Variants in A4GNT observed in about 807,000 individuals in gnomAD.
The protein encoded by A4GNT is alpha-1,4-N-acetylglucosaminyltransferase.
A4GNT carries 6 observed loss-of-function variants against 8.3 expected under a neutral mutation model. The ratio of observed to expected loss-of-function variants is 0.72; its 90% CI spans 0.39 to 1.42. The LOEUF (loss-of-function observed/expected upper bound fraction) is 1.42. A4GNT is among the 40% of genes most tolerant of loss of function. The pLI is 0.02. For synonymous variants in A4GNT, 157 were observed against 159.8 expected (o/e 0.98, Z 0.13); for missense variants, 377 against 417.0 (o/e 0.90, Z 0.84).
At chr3:138,128,632 G>A (rs978849503) in intron 2 of A4GNT, among the ~76,000 whole-genome samples, 4 of 152,012 alleles carry the variant, frequency 2.6e-5, no homozygotes, top group African/African-American at 9.7e-5. Flanking sequence ...TTCCACATGA[G>A]ATTTGGTGAG....
chr3:138,129,131 G>GCATGGA (rs2042762513), intron 2 of A4GNT, among the ~76,000 whole-genome samples: 1 of 152,052 alleles, frequency 6.6e-6, no homozygotes, highest in African/African-American at 2.4e-5. Flanking sequence ...CTCCACCCAG[G>GCATGGA]ACAGTCCACC....
rs143852911 is a variant in A4GNT, at chr3:138,124,704, A to T, written c.583T>A (p.Phe195Ile). ...QASRYSSNGI[F>I]GFLPHHPFLW... ...AAGGGGTGGTGGGGGAGGAACCCAA[A>T]TATTCCATTACTAGAGTACCGAGAA... The change falls in exon 3 of 3, where the codon TTT becomes ATT. Residue 195 changes from phenylalanine (F) to isoleucine (I), a missense_variant. Transcript: ENST00000236709. 6.2e-7 allele frequency: 1 copy of T among 1,614,224 alleles called. No individual in the cohort carries two copies. Among genetic ancestry groups the T allele is most frequent in the Non-Finnish European group, 8.5e-7 (1 of 1,180,048 alleles).
chr3:138,130,516 A>G (rs1398417467), intron 2 of A4GNT, among the ~76,000 whole-genome samples: 1 of 152,210 alleles, frequency 6.6e-6, no homozygotes, highest in African/African-American at 2.4e-5. Flanking sequence ...GAAAAAAAAA[A>G]TAAAGTTTAA....
At chr3:138,127,910 G>A (rs1474637589) in intron 2 of A4GNT, among the ~76,000 whole-genome samples, 3 of 152,182 alleles carry the variant, frequency 2.0e-5, no homozygotes, top group African/African-American at 7.2e-5. Flanking sequence ...TGCAGGCTCA[G>A]ATGGAGCAAA....
chr3:138,126,696 G>A (rs954164818), intron 2 of A4GNT, among the ~76,000 whole-genome samples: 13 of 149,558 alleles, frequency 8.7e-5, no homozygotes, highest in African/African-American at 3.2e-4. Context: ...CGTGGTGACA[G>A]GCGCCTGTAA....
chr3:138,126,796 A>C (rs1395782596), intron 2 of A4GNT, among the ~76,000 whole-genome samples: 3 of 146,540 alleles, frequency 2.0e-5, no homozygotes, highest in African/African-American at 7.6e-5. Context: ...ATTGCACTCC[A>C]GCCTGGGCCA....
chr3:138,127,015 C>T lies in A4GNT; in HGVS notation c.409-2137G>A, dbSNP rs918171251. 2.5e-3 allele frequency among the ~76,000 whole-genome samples: 368 copies of T among 149,046 alleles called. 8 individuals are homozygous for T. Among genetic ancestry groups the T allele is most frequent in the Non-Finnish European group, 3.4e-4 (23 of 67,354 alleles). On this transcript the variant is annotated intron_variant, in intron 2 of 2. Transcript: ENST00000236709. ...GGCATGGTGGTGGGCACCTGTAATC[C>T]CAGCTACTCTGGAGGCTGAGGCAGG...
At chr3:138,130,789 T>C (rs2042771213) in intron 2 of A4GNT, 60 bp downstream of exon 2, 2 of 1,554,958 alleles carry the variant, frequency 1.3e-6, no homozygotes, top group South Asian at 1.2e-5. Flanking sequence ...CCTGAGTCCT[T>C]ACCCTCAGTT....
chr3:138,126,807 C>T (rs1187518421), intron 2 of A4GNT, among the ~76,000 whole-genome samples: 3 of 147,728 alleles, frequency 2.0e-5, no homozygotes, highest in South Asian at 2.1e-4. Flanking sequence ...GCCTGGGCCA[C>T]GAGAGTGAAA....
intron 2 of A4GNT, 114 bp from the exon 3 acceptor site, chr3:138,124,992 A>G: frequency 1.5e-6 from 2 of 1,361,272 alleles, no homozygotes; most frequent in Non-Finnish European, 2.0e-6. Context: ...CAGCTTCCCA[A>G]AATCCTATTT....
Position 138,124,516 on chromosome 3 carries a change from G to T in A4GNT, c.771C>A (p.Pro257=). ...GATAGGAGATGGGGTAAAATCTTTG[G>T]GGGTGTAAGAAGGATATGTTCAGAC... is the stretch of plus-strand genomic sequence containing the variant. The part of the protein sequence containing the change: ...LRCLNISFLH[P]QRFYPISYRE... The change falls in exon 3 of 3, where the codon CCC becomes CCA. Residue 257 remains proline, a synonymous_variant. Transcript: ENST00000236709. 1.9e-6 allele frequency: 3 copies of T among 1,614,190 alleles called. No homozygotes were observed. The East Asian group carries it at 6.7e-5, about 36-fold the overall frequency.
intron 2 of A4GNT, among the ~76,000 whole-genome samples, chr3:138,128,855 T>G (rs1166379082): frequency 1.3e-5 from 2 of 151,998 alleles, no homozygotes; most frequent in Non-Finnish European, 2.9e-5. Context: ...ACTCTGCTGT[T>G]GGCAGCTGCC....
chr3:138,125,450 A>G (rs1264804574), intron 2 of A4GNT, among the ~76,000 whole-genome samples: 1 of 152,254 alleles, frequency 6.6e-6, no homozygotes, highest in African/African-American at 2.4e-5. Context: ...TGCTAAGGAT[A>G]CAGCAGTGAA....
rs188550739 is a variant in A4GNT, at chr3:138,124,192, G to T, written c.*72C>A. The T allele has an allele frequency of 9.6e-4, 1,492 of 1,546,804 alleles. 6 individuals are homozygous for T. The highest frequency in any genetic ancestry group is 1.9e-3 in the Middle Eastern group (11 of 5,694). On this transcript the variant is annotated 3_prime_UTR_variant, in exon 3 of 3. Transcript: ENST00000236709. ...GCCCACCCCGCCAAGAGACAGTGGA[G>T]ATCAAGTGAAAATGTGGCACTCCAG... is the stretch of plus-strand genomic sequence containing the variant.
In A4GNT at chr3:138,132,216, A is replaced by C. The variant is rs2042782407; in HGVS notation, c.-31T>G. ...GTCCAGGCTCTGAACCGTTACCTGC[A>C]GTGCTTTCCTCACCAAAAATGTTAG... On this transcript the variant is annotated 5_prime_UTR_variant, in exon 1 of 3. Coordinates refer to ENST00000236709, the MANE Select transcript of A4GNT (RefSeq NM_016161.3). 2 of 152,242 alleles carry C rather than the reference A, an allele frequency of 1.3e-5. No individual in the cohort carries two copies. Among genetic ancestry groups the C allele is most frequent in the South Asian group, 4.1e-4 (2 of 4,832 alleles). The allele number at this position is 152,242 out of a possible 1,614,324, so 9.4% of individuals were successfully genotyped here.
intron 2 of A4GNT, among the ~76,000 whole-genome samples, chr3:138,130,431 C>T (rs528185108): frequency 2.0e-5 from 3 of 152,196 alleles, no homozygotes; most frequent in South Asian, 4.1e-4. Flanking sequence ...CATATCGCAG[C>T]ATTTCATCCA....
At chr3:138,125,528 A>T (rs961117743) in intron 2 of A4GNT, among the ~76,000 whole-genome samples, 7 of 152,322 alleles carry the variant, frequency 4.6e-5, no homozygotes, top group African/African-American at 1.7e-4. Flanking sequence ...GGATGCTGAC[A>T]ACAACTATGA....
intron 2 of A4GNT, among the ~76,000 whole-genome samples, chr3:138,128,544 A>G (rs1181964051): frequency 1.3e-5 from 2 of 152,148 alleles, no homozygotes; most frequent in Non-Finnish European, 2.9e-5. Flanking sequence ...TCCTGAGGAC[A>G]GCACCAAGTC....
rs369687841 is a variant in A4GNT, at chr3:138,124,392, C to T, written c.895G>A (p.Ala299Thr). ...AGTGTGTTGCTTCCTCTAATCACAG[C>T]CCGCCCCTCCTGGTTCATGTGGTTC... ...LWNHMNQEGR[A>T]VIRGSNTLVE... Residue 299 changes from alanine (A) to threonine (T), a missense_variant, in exon 3 of 3, where the codon GCT (alanine) becomes ACT (threonine). By Grantham distance (58) the Ala-to-Thr change is moderately conservative. Coordinates refer to ENST00000236709, the MANE Select transcript of A4GNT (RefSeq NM_016161.3). 6.8e-6 allele frequency: 11 copies of T among 1,614,230 alleles called. No individual in the cohort carries two copies. Among genetic ancestry groups the T allele is most frequent in the Non-Finnish European group, 9.3e-6 (11 of 1,180,052 alleles).
Sources: gnomAD v4.1 joint callset for allele counts (sites outside exome capture counted in the v4.1 genomes callset) on GRCh38, gnomAD v4.1.1 for gene constraint, MANE v1.5 for transcripts, NCBI Gene and HGNC (gene_info 2026-07-23, HGNC 2026-07-21) for gene names.